The following TRAPPC3 variants were observed in gnomAD, a reference collection of about 807,000 sequenced individuals.
TRAPPC3 encodes the protein trafficking protein particle complex 3.
TRAPPC3 carries 5 observed loss-of-function variants against 18.2 expected under a neutral mutation model. That is an observed-to-expected ratio of 0.28 (90% CI 0.14 to 0.58). The LOEUF is 0.58. Ranked by LOEUF, TRAPPC3 falls within the 20% of genes least tolerant of loss-of-function variation. The pLI, the probability that TRAPPC3 is intolerant of heterozygous loss-of-function variation, is 0.91. For synonymous variants in TRAPPC3, 65 were observed against 84.2 expected, an observed-to-expected ratio of 0.77 and a Z score of 1.25; for missense variants, 176 against 225.9, an observed-to-expected ratio of 0.78 and a Z score of 1.41.
chr1:36,140,192 G>T (rs776312501), intron 1 of TRAPPC3, 26 bp from the exon 2 acceptor site: 13 of 1,469,734 alleles, frequency 8.8e-6, no homozygotes, highest in Non-Finnish European at 1.0e-5. Context: ...AAGGCAGTCA[G>T]GACCAAGCAG....
At chr1:36,153,335 T>C (rs577913365), upstream of TRAPPC3, among the ~76,000 whole-genome samples, 205 of 152,268 alleles carry the variant, frequency 1.3e-3, no homozygotes, top group African/African-American at 4.6e-3. Flanking sequence ...AGGAGTCCAC[T>C]TCCTCTGTCC....
intron 1 of TRAPPC3, among the ~76,000 whole-genome samples, chr1:36,148,251 C>A (rs570625937): frequency 2.6e-5 from 4 of 152,092 alleles, no homozygotes; most frequent in East Asian, 1.9e-4. Context: ...CTTAAGGCCA[C>A]GAGTTCGAGA....
rs1377420110 is a variant in TRAPPC3 at position 36,149,459 on chromosome 1, C to A, written c.-81G>T. On this transcript the variant is annotated 5_prime_UTR_variant, in exon 1 of 5. Transcript: ENST00000373166. ...CAGACGCCGGAGCCTAAGCCGCTGC[C>A]CCTCAGCCCACAAGACCGACCGGCA... The A allele has an allele frequency of 6.4e-7, 1 of 1,561,794 alleles. No individual in the cohort carries two copies. Among genetic ancestry groups the A allele is most frequent in the African/African-American group, 1.4e-5 (1 of 73,730 alleles).
chr1:36,138,353 T>C, intron 3 of TRAPPC3: 1 of 1,171,512 alleles, frequency 8.5e-7, no homozygotes, highest in Non-Finnish European at 1.2e-6. Flanking sequence ...CCCACTTCTC[T>C]GTCCTCTGTC....
At chr1:36,146,423 A>C (rs578037272) in intron 1 of TRAPPC3, among the ~76,000 whole-genome samples, 7 of 151,578 alleles carry the variant, frequency 4.6e-5, no homozygotes, top group African/African-American at 1.7e-4. Context: ...CAGCCTCCTG[A>C]GTAGCTGGGA....
intron 4 of TRAPPC3, 155 bp downstream of exon 4, chr1:36,137,641 T>G (rs1056856693): frequency 2.2e-5 from 18 of 808,926 alleles, no homozygotes; most frequent in Middle Eastern, 3.7e-4. Flanking sequence ...TGTAAAGATG[T>G]CCGACTTGGA....
chr1:36,139,512 C>A, intron 3 of TRAPPC3: 1 of 628,216 alleles, frequency 1.6e-6, no homozygotes, highest in Non-Finnish European at 2.7e-6. Flanking sequence ...TGGAAAAGCT[C>A]AGGCTTTGAT....
chr1:36,155,813 G>T (rs751809771), intron 1 of TRAPPC3: 9 of 152,556 alleles, frequency 5.9e-5, no homozygotes, highest in Non-Finnish European at 1.0e-4. Flanking sequence ...GGGTGGGAAA[G>T]GGGAGTCCCA....
rs1426549577 is a variant in TRAPPC3, at chr1:36,139,757, C to A, written c.203G>T (p.Cys68Phe). The part of the protein sequence containing the change: ...DFLARSNVGR[C>F]HDFRETADVI... ...ATCCGCAGTTTCCCGAAAGTCATGG[C>A]ACCTCCCAACATTTGACCGAGCCAA... The change falls in exon 3 of 5, where the codon TGC becomes TTC. Residue 68 changes from cysteine to phenylalanine, a missense_variant. By Grantham distance (205) the Cys-to-Phe change is radical. Transcript: ENST00000373166. 1 of 1,614,156 alleles carries A rather than the reference C, an allele frequency of 6.2e-7. No individual in the cohort carries two copies. Among genetic ancestry groups the A allele is most frequent in the Non-Finnish European group, 8.5e-7 (1 of 1,180,028 alleles).
rs563245682 is a variant in TRAPPC3 at position 36,148,768 on chromosome 1, T to C, written c.42+569A>G. Among the ~76,000 whole-genome samples, 231 of 152,292 alleles carry C rather than the reference T, an allele frequency of 1.5e-3. 1 individual carries two copies. The highest frequency in any genetic ancestry group is 5.0e-3 in the African/African-American group (207 of 41,552). On this transcript the variant is annotated intron_variant, in intron 1 of 4. Coordinates refer to ENST00000373166, the MANE Select transcript of TRAPPC3 (RefSeq NM_014408.5). ...TTACTCTGGCCCATCTCTTATTCCA[T>C]TGAATAAAACGTTCCTTTCTGGCAC...
chr1:36,144,019 G>A (rs1213625626), intron 1 of TRAPPC3, among the ~76,000 whole-genome samples: 2 of 152,104 alleles, frequency 1.3e-5, no homozygotes, highest in Non-Finnish European at 2.9e-5. Context: ...CCTGAACTAG[G>A]TTCAAGGAGG....
upstream of TRAPPC3, among the ~76,000 whole-genome samples, chr1:36,152,757 C>T (rs1207944001): frequency 3.3e-5 from 5 of 151,352 alleles, no homozygotes; most frequent in Non-Finnish European, 5.9e-5. Flanking sequence ...CTCAAGTGAT[C>T]CTCCCACCTC....
chr1:36,139,759 C>T lies in TRAPPC3; in HGVS notation c.201G>A (p.Arg67=), dbSNP rs758156250. The part of the protein sequence containing the change: ...EDFLARSNVG[R]CHDFRETADV... Reference sequence around the variant, plus strand: ...CCGCAGTTTCCCGAAAGTCATGGCACCTCCCAACATTTGACCGAGCCAAGA... The same window carrying T: ...CCGCAGTTTCCCGAAAGTCATGGCATCTCCCAACATTTGACCGAGCCAAGA... Residue 67 remains arginine, a synonymous_variant, in exon 3 of 5, where the codon AGG becomes AGA. Coordinates refer to ENST00000373166, the MANE Select transcript of TRAPPC3 (RefSeq NM_014408.5). 5 of 1,614,072 alleles carry T rather than the reference C, an allele frequency of 3.1e-6. No individual in the cohort carries two copies. The Admixed American group carries it at 6.7e-5, about 22-fold the overall frequency.
intron 1 of TRAPPC3, among the ~76,000 whole-genome samples, chr1:36,148,629 C>G (rs1357880635): frequency 6.6e-6 from 1 of 152,038 alleles, no homozygotes; most frequent in African/African-American, 2.4e-5. Flanking sequence ...AGAAAAATGA[C>G]CTAAGTCTGC....
In TRAPPC3 at chr1:36,137,970, G is replaced by C; in HGVS notation, c.249C>G (p.Phe83Leu). ...ETADVIAKVA[F>L]KMYLGITPSI... ...TTGGAGTGATGCCCAAGTACATCTT[G>C]AACGCCACCTGTCAGGGGACACACA... The change falls in exon 4 of 5, where the codon TTC (phenylalanine) becomes TTG (leucine). Residue 83 changes from phenylalanine to leucine, a missense_variant. Physicochemically the swap from Phe to Leu is conservative, Grantham distance 22. Transcript: ENST00000373166. 2 of 1,613,902 alleles carry C rather than the reference G, an allele frequency of 1.2e-6. No homozygotes were observed. Among genetic ancestry groups the C allele is most frequent in the Non-Finnish European group, 1.7e-6 (2 of 1,179,878 alleles).
intron 4 of TRAPPC3, 147 bp from the exon 5 acceptor site, chr1:36,137,469 C>T: frequency 1.3e-6 from 1 of 798,536 alleles, no homozygotes; most frequent in Non-Finnish European, 2.0e-6. Context: ...CGCCAACATT[C>T]TGTTGCATAA....
At chr1:36,147,766 G>A (rs910178663) in intron 1 of TRAPPC3, among the ~76,000 whole-genome samples, 2 of 152,200 alleles carry the variant, frequency 1.3e-5, no homozygotes, top group East Asian at 3.9e-4. Flanking sequence ...AGTGGGCTAA[G>A]TGACTATCTA....
chr1:36,153,255 C>A (rs1041849828), upstream of TRAPPC3, among the ~76,000 whole-genome samples: 1 of 152,212 alleles, frequency 6.6e-6, no homozygotes, highest in Non-Finnish European at 1.5e-5. Context: ...GAGAGAGACA[C>A]TCTTAACCCT....
intron 3 of TRAPPC3, 98 bp from the exon 4 acceptor site, chr1:36,138,076 G>T: frequency 6.3e-7 from 1 of 1,593,400 alleles, no homozygotes; most frequent in East Asian, 2.3e-5. Context: ...AGTGGCTCAG[G>T]AACAAACCTG....
Sources: allele counts gnomAD v4.1 joint callset (sites outside exome capture counted in the v4.1 genomes callset), GRCh38; gene constraint gnomAD v4.1.1; transcripts MANE v1.5; gene names NCBI Gene and HGNC (gene_info 2026-07-23, HGNC 2026-07-21).